Variants in ADARB2 observed in about 807,000 individuals in gnomAD.
ADARB2 encodes inactive double-stranded RNA-specific editase B2.
Under a neutral mutation model 62.2 loss-of-function variants are expected in ADARB2, and 25 were observed. The observed-to-expected ratio is 0.40, with a 90% CI of 0.29 to 0.56. The LOEUF is 0.56. Ranked by LOEUF, ADARB2 falls within the 20% of genes least tolerant of loss-of-function variation. The pLI is 0.43. For missense variants in ADARB2, 1,071 were observed against 1,077.4 expected (o/e 0.99, Z 0.08); for synonymous variants, 572 against 500.8 (o/e 1.14, Z -1.90).
chr10:1,393,119 C>A lies in ADARB2; in HGVS notation c.101-13959G>T, dbSNP rs147017868. On this transcript the variant is annotated intron_variant, in intron 1 of 9. Transcript: ENST00000381312. ...ATAGGGCTCAAAGCAGGGCTAGCAA[C>A]TAGTCGCACAGCCAAATTTGAGCTA... 9.5e-4 allele frequency among the ~76,000 whole-genome samples: 144 copies of A among 152,316 alleles called. 1 individual carries two copies. The East Asian group carries it at 0.013, about 14-fold the overall frequency.
intron 3 of ADARB2, among the ~76,000 whole-genome samples, chr10:1,353,604 C>G (rs1832166174): frequency 6.6e-6 from 1 of 152,200 alleles, no homozygotes. Context: ...TCTACTCCGC[C>G]CATATTTGGA....
intron 1 of ADARB2, among the ~76,000 whole-genome samples, chr10:1,540,562 C>T (rs1209764452): frequency 1.3e-5 from 1 of 76,136 alleles, no homozygotes; most frequent in African/African-American, 5.1e-5. Flanking sequence ...CGTCCAGACC[C>T]CACTCAGATG....
chr10:1,659,875 T>G (rs1172446601), intron 1 of ADARB2, among the ~76,000 whole-genome samples: 1 of 142,074 alleles, frequency 7.0e-6, no homozygotes, highest in African/African-American at 2.5e-5. Flanking sequence ...TTCCCTCCTC[T>G]CCTCCAGTGT....
At chr10:1,610,849 CAG>C (rs1833561742) in intron 1 of ADARB2, among the ~76,000 whole-genome samples, 1 of 152,054 alleles carries the variant, frequency 6.6e-6, no homozygotes, top group Non-Finnish European at 1.5e-5. Context: ...CAAAGACTCG[CAG>C]ACACACCCAT....
chr10:1,572,358 G>T (rs1470766983), intron 1 of ADARB2, among the ~76,000 whole-genome samples: 1 of 152,162 alleles, frequency 6.6e-6, no homozygotes. Flanking sequence ...CTACAGGGCT[G>T]AGCCAGGCAG....
intron 3 of ADARB2, among the ~76,000 whole-genome samples, chr10:1,293,670 T>C (rs1831498358): frequency 6.6e-6 from 1 of 152,240 alleles, no homozygotes; most frequent in Non-Finnish European, 1.5e-5. Flanking sequence ...CCTCTGGAGA[T>C]GTGTATCTTC....
At chr10:1,290,013 G>A (rs964021330) in intron 3 of ADARB2, 18 of 152,274 alleles carry the variant, frequency 1.2e-4, no homozygotes, top group Non-Finnish European at 2.9e-5. Flanking sequence ...AGGCATTTCA[G>A]TCTTGTGTTG....
chr10:1,543,219 C>A (rs546184742), intron 1 of ADARB2, among the ~76,000 whole-genome samples: 1 of 152,342 alleles, frequency 6.6e-6, no homozygotes, highest in South Asian at 2.1e-4. Context: ...AGCCGGGCGT[C>A]CTGCCCGCCC....
rs1393639687 is a variant in ADARB2 at position 1,737,515 on chromosome 10, C to T, written c.-365G>A. 2 of 249,800 alleles carry T rather than the reference C, an allele frequency of 8.0e-6. No individual in the cohort carries two copies. Among genetic ancestry groups the T allele is most frequent in the East Asian group, 9.3e-5 (1 of 10,766 alleles). 15.5% of individuals were successfully genotyped at this position (249,800 alleles called of 1,614,324 possible). On this transcript the variant is annotated 5_prime_UTR_variant, in exon 1 of 10. Transcript: ENST00000381312. ...TGCGCCTCTGCTAGTTGTTTGGCAC[C>T]AGCCACTTTGAAGCCAATCACGCAG...
intron 1 of ADARB2, among the ~76,000 whole-genome samples, chr10:1,474,574 G>A (rs971548988): frequency 4.6e-5 from 7 of 152,178 alleles, no homozygotes; most frequent in African/African-American, 1.7e-4. Context: ...GTCCACACAC[G>A]CAAACATGAC....
chr10:1,208,074 T>C (rs1306623703), intron 7 of ADARB2, among the ~76,000 whole-genome samples: 1 of 152,252 alleles, frequency 6.6e-6, no homozygotes, highest in Non-Finnish European at 1.5e-5. Context: ...ACCTTGTGGC[T>C]TTGCAGGTCA....
At chr10:1,274,784 G>A (rs1017252952) in intron 3 of ADARB2, among the ~76,000 whole-genome samples, 1 of 152,200 alleles carries the variant, frequency 6.6e-6, no homozygotes, top group African/African-American at 2.4e-5. Context: ...ATACAGCAGG[G>A]GGTGGCAGAG....
chr10:1,466,454 GCT>G (rs1831256261), intron 1 of ADARB2, among the ~76,000 whole-genome samples: 2 of 152,344 alleles, frequency 1.3e-5, no homozygotes, highest in South Asian at 4.1e-4. Context: ...GATGTGGGCA[GCT>G]CTCTGAGCAC....
At chr10:1,271,145 G>T in intron 3 of ADARB2, 76 bp from the exon 4 acceptor site, 1 of 1,200,556 alleles carries the variant, frequency 8.3e-7, no homozygotes, top group Non-Finnish European at 1.2e-6. Flanking sequence ...TGTCCTCCCC[G>T]TCCTCACAGC....
At chr10:1,410,792 C>A (rs1026210204) in intron 1 of ADARB2, among the ~76,000 whole-genome samples, 2 of 152,170 alleles carry the variant, frequency 1.3e-5, no homozygotes, top group African/African-American at 4.8e-5. Context: ...ATTTTACCTG[C>A]GTAAACAAGC....
intron 3 of ADARB2, among the ~76,000 whole-genome samples, chr10:1,305,518 T>C (rs920083972): frequency 1.3e-5 from 2 of 151,888 alleles, no homozygotes; most frequent in African/African-American, 4.8e-5. Flanking sequence ...TTCCAATCAA[T>C]AGAAAAAGAG....
chr10:1,245,908 A>G (rs936695162), intron 4 of ADARB2, among the ~76,000 whole-genome samples: 3 of 151,622 alleles, frequency 2.0e-5, no homozygotes, highest in Non-Finnish European at 4.4e-5. Context: ...CTGAGGAATC[A>G]CCATACTGAC....
chr10:1,643,572 T>C (rs144200689), intron 1 of ADARB2, among the ~76,000 whole-genome samples: 2 of 152,114 alleles, frequency 1.3e-5, no homozygotes, highest in East Asian at 1.9e-4. Flanking sequence ...AGTGAGTGAA[T>C]AAGGTGGAAG....
chr10:1,225,681 G>C (rs1830738418), intron 6 of ADARB2, among the ~76,000 whole-genome samples: 2 of 146,198 alleles, frequency 1.4e-5, no homozygotes, highest in Non-Finnish European at 3.1e-5. Context: ...AGCTTAGTTT[G>C]GCTGGATATG....
Sources: allele counts gnomAD v4.1 joint callset (sites outside exome capture counted in the v4.1 genomes callset), GRCh38; gene constraint gnomAD v4.1.1; transcripts MANE v1.5; gene names NCBI Gene and HGNC (gene_info 2026-07-23, HGNC 2026-07-21).